Variants in METTL6 observed in about 807,000 individuals in gnomAD.
The protein encoded by METTL6 is tRNA N(3)-cytidine methyltransferase METTL6.
A neutral mutation model predicts 26.4 loss-of-function variants in METTL6; 22 were observed. That is an observed-to-expected ratio of 0.83 (90% CI 0.59 to 1.19). The LOEUF (loss-of-function observed/expected upper bound fraction) is 1.19. Among genes scored for constraint, METTL6 ranks in the 50% most tolerant of loss-of-function variants. The pLI is 0.00. For missense variants in METTL6, 304 were observed against 324.8 expected (o/e 0.94, Z 0.49); for synonymous variants, 109 against 116.2 (o/e 0.94, Z 0.40).
chr3:15,387,661 G>A (rs2219251), intron 6 of METTL6, among the ~76,000 whole-genome samples: 80,113 of 151,904 alleles, frequency 0.53, 21,798 homozygotes, highest in African/African-American at 0.66. Flanking sequence ...CAATATCCCA[G>A]TGGGGCCCAA....
chr3:15,404,606 C>T (rs1405398817), intron 6 of METTL6, among the ~76,000 whole-genome samples: 2 of 151,806 alleles, frequency 1.3e-5, no homozygotes, highest in Admixed American at 1.3e-4. Context: ...CTGCCTCGGC[C>T]TCCCAAAGTG....
intron 6 of METTL6, among the ~76,000 whole-genome samples, chr3:15,404,541 G>A (rs1699736318): frequency 6.7e-6 from 1 of 148,426 alleles, no homozygotes; most frequent in East Asian, 2.0e-4. Context: ...AGTAGAGACA[G>A]GGCCTCACCA....
chr3:15,387,171 G>A (rs1336115674), intron 6 of METTL6, among the ~76,000 whole-genome samples: 2 of 152,144 alleles, frequency 1.3e-5, no homozygotes, highest in East Asian at 3.8e-4. Context: ...TTATTTTAGA[G>A]AGACAGTTTA....
rs549842231 is a variant in METTL6 at position 15,424,868 on chromosome 3, G to C, written c.360+87C>G. 6 of 1,577,076 alleles carry C rather than the reference G, an allele frequency of 3.8e-6. No homozygotes were observed. In the South Asian group the frequency reaches 6.8e-5, roughly 18 times the overall value. On this transcript the variant is annotated intron_variant, in intron 3 of 5. Coordinates refer to ENST00000383790, the MANE Select transcript of METTL6 (RefSeq NM_152396.4). ...AGCTGGTTAGCTCCAGGGAAGACTA[G>C]AATTGGGCAAATGAATAAAAAAGGC...
In METTL6 at chr3:15,415,924, T is replaced by C; in HGVS notation, c.379A>G (p.Thr127Ala). Residue 127 changes from threonine to alanine, a missense_variant, in exon 4 of 6, where the codon ACA (threonine) becomes GCA (alanine). Physicochemically the swap from Thr to Ala is moderately conservative, Grantham distance 58. Coordinates refer to ENST00000383790, the MANE Select transcript of METTL6 (RefSeq NM_152396.4). ...EYVKQNPLYD[T>A]ERCKVFQCDL... ...CACTGGAATACCTTGCATCTTTCTG[T>C]ATCATATAAAGGATTTTGCTACAGG... 3 of 1,612,284 alleles carry C rather than the reference T, an allele frequency of 1.9e-6. No individual in the cohort carries two copies. Among genetic ancestry groups the C allele is most frequent in the Non-Finnish European group, 2.5e-6 (3 of 1,179,502 alleles).
At chr3:15,396,243 T>C (rs1033316590) in intron 6 of METTL6, among the ~76,000 whole-genome samples, 1 of 152,214 alleles carries the variant, frequency 6.6e-6, no homozygotes, top group African/African-American at 2.4e-5. Context: ...ATTCATTTGA[T>C]CTTCCATCAC....
chr3:15,401,536 C>CAAAAAAAAAAAAAAAAAAAAAA (rs35578326), intron 6 of METTL6, among the ~76,000 whole-genome samples: 6 of 71,846 alleles, frequency 8.4e-5, no homozygotes, highest in African/African-American at 1.6e-4. Flanking sequence ...ATGTTCACGC[C>CAAAAAAAAAAAAAAAAAAAAAA]AAAAAAAAAA....
intron 6 of METTL6, among the ~76,000 whole-genome samples, chr3:15,386,264 T>C (rs528261484): frequency 5.2e-4 from 79 of 152,304 alleles, no homozygotes; most frequent in Non-Finnish European, 2.5e-4. Flanking sequence ...TAATGCATTA[T>C]AGCTAGCATA....
At chr3:15,393,418 G>T (rs1699401937) in intron 6 of METTL6, among the ~76,000 whole-genome samples, 1 of 152,144 alleles carries the variant, frequency 6.6e-6, no homozygotes, top group South Asian at 2.1e-4. Flanking sequence ...GGGTTTTCTA[G>T]ATATACAATC....
chr3:15,425,157 A>C (rs1454567209), intron 2 of METTL6, 68 bp from the exon 3 acceptor site: 1 of 1,577,084 alleles, frequency 6.3e-7, no homozygotes, highest in Non-Finnish European at 8.6e-7. Flanking sequence ...CCAAACTAAA[A>C]GGTCCAGAAT....
At chr3:15,385,417 G>A (rs1699165242) in intron 6 of METTL6, among the ~76,000 whole-genome samples, 1 of 151,964 alleles carries the variant, frequency 6.6e-6, no homozygotes, top group South Asian at 2.1e-4. Flanking sequence ...GGCCAACATG[G>A]GGAAAACCTG....
chr3:15,420,015 C>T (rs955742958), intron 3 of METTL6, among the ~76,000 whole-genome samples: 1 of 152,014 alleles, frequency 6.6e-6, no homozygotes, highest in African/African-American at 2.4e-5. Context: ...GCGCCCGCCA[C>T]CATGCCCGGC....
At chr3:15,417,452 A>AACAT (rs1553629656) in intron 3 of METTL6, among the ~76,000 whole-genome samples, 3 of 142,610 alleles carry the variant, frequency 2.1e-5, no homozygotes, top group Non-Finnish European at 4.6e-5. Context: ...CTCTGTCTCA[A>AACAT]AAATAAATAA....
At chr3:15,383,644 CATCT>C (rs1372757997) in exon 7 of METTL6, 1 of 152,140 alleles carries the variant, frequency 6.6e-6, no homozygotes, top group Non-Finnish European at 1.5e-5. Flanking sequence ...ACAATGTATA[CATCT>C]ATTACTATCA....
At chr3:15,416,521 C>T (rs564083735) in intron 3 of METTL6, among the ~76,000 whole-genome samples, 1 of 152,298 alleles carries the variant, frequency 6.6e-6, no homozygotes, top group Non-Finnish European at 1.5e-5. Context: ...TTCCAAAGTG[C>T]TGGGATTACA....
chr3:15,412,183 T>C (rs1309533660), intron 5 of METTL6, among the ~76,000 whole-genome samples: 1 of 152,242 alleles, frequency 6.6e-6, no homozygotes, highest in Non-Finnish European at 1.5e-5. Flanking sequence ...AAACATCTTA[T>C]TCATCCTAAC....
At chr3:15,411,495 A>C in intron 5 of METTL6, 58 bp from the exon 6 acceptor site, 1 of 1,539,896 alleles carries the variant, frequency 6.5e-7, no homozygotes, top group South Asian at 1.2e-5. Context: ...TTTGCTTTGC[A>C]GTCCTTGAGG....
Position 15,415,762 on chromosome 3 carries a change from A to C in METTL6, c.531+10T>G, listed in dbSNP as rs1559492747. The C allele has an allele frequency of 6.2e-7, 1 of 1,612,380 alleles. No individual in the cohort carries two copies. The highest frequency in any genetic ancestry group is 8.5e-7 in the Non-Finnish European group (1 of 1,179,202). ...GTCCAACCCTCAAGTGCAGGCCCCA[A>C]ATCACTAACCTTGTAAATGTTTTGT... On this transcript the variant is annotated intron_variant, in intron 4 of 5. Coordinates refer to ENST00000383790, the MANE Select transcript of METTL6 (RefSeq NM_152396.4).
chr3:15,389,847 C>CA (rs1227876986), intron 6 of METTL6, among the ~76,000 whole-genome samples: 1 of 130,606 alleles, frequency 7.7e-6, no homozygotes, highest in Non-Finnish European at 1.6e-5. Context: ...CGCGCCCGGC[C>CA]AATTTTTTTT....
Sources: gnomAD v4.1 joint callset for allele counts (sites outside exome capture counted in the v4.1 genomes callset) on GRCh38, gnomAD v4.1.1 for gene constraint, MANE v1.5 for transcripts, NCBI Gene and HGNC (gene_info 2026-07-23, HGNC 2026-07-21) for gene names.